The following HS2ST1 variants were observed in gnomAD, a reference collection of about 807,000 sequenced individuals.
HS2ST1 encodes heparan sulfate 2-O-sulfotransferase 1, also known as 2-O-sulfotransferase.
A neutral mutation model predicts 42.9 loss-of-function variants in HS2ST1; 18 were observed. That is an observed-to-expected ratio of 0.42 (90% confidence interval 0.29 to 0.62). HS2ST1 has a LOEUF of 0.62. Among genes scored for constraint, HS2ST1 ranks in the 20% least tolerant of loss-of-function variants. The probability of loss-of-function intolerance (pLI) is 0.21; values close to 1 mark genes in which losing one functional copy is unlikely to be tolerated. For synonymous variants in HS2ST1, 146 were observed against 152.9 expected, an observed-to-expected ratio of 0.95 and a Z score of 0.33; for missense variants, 334 against 433.8, an observed-to-expected ratio of 0.77 and a Z score of 2.04.
At chr1:87,075,400 C>T (rs1651515660) in intron 2 of HS2ST1, among the ~76,000 whole-genome samples, 1 of 152,084 alleles carries the variant, frequency 6.6e-6, no homozygotes, top group South Asian at 2.1e-4. Context: ...CTCCTGACCT[C>T]AGGTGATCCG....
intron 1 of HS2ST1, among the ~76,000 whole-genome samples, chr1:86,962,731 A>G (rs1300953244): frequency 6.6e-6 from 1 of 152,222 alleles, no homozygotes; most frequent in Admixed American, 6.5e-5. Flanking sequence ...ATGATCATTG[A>G]AAAGAGAGGC....
At chr1:86,937,434 T>G (rs1486560646) in intron 1 of HS2ST1, among the ~76,000 whole-genome samples, 1 of 152,210 alleles carries the variant, frequency 6.6e-6, no homozygotes, top group Non-Finnish European at 1.5e-5. Context: ...AAATATTAAC[T>G]TTTCTATCAT....
intron 1 of HS2ST1, among the ~76,000 whole-genome samples, chr1:86,970,278 C>T (rs938276829): frequency 6.6e-6 from 1 of 151,980 alleles, no homozygotes; most frequent in Non-Finnish European, 1.5e-5. Flanking sequence ...AAATAGTTTC[C>T]TCTGTAAGCC....
chr1:86,981,786 T>C (rs774140123), intron 1 of HS2ST1, among the ~76,000 whole-genome samples: 39 of 152,338 alleles, frequency 2.6e-4, no homozygotes, highest in Non-Finnish European at 3.7e-4. Flanking sequence ...AGGTACCCAG[T>C]GCAAGCTATT....
At chr1:86,921,575 T>C (rs1200563989) in intron 1 of HS2ST1, among the ~76,000 whole-genome samples, 1 of 152,122 alleles carries the variant, frequency 6.6e-6, no homozygotes, top group Non-Finnish European at 1.5e-5. Context: ...AATACTGTTA[T>C]AAAAGAGCTT....
chr1:87,103,535 T>C lies in HS2ST1; in HGVS notation c.790T>C (p.Leu264=), dbSNP rs1405541457. Residue 264 remains leucine (L), a synonymous_variant, in exon 6 of 7, where the codon TTG becomes CTG. Coordinates refer to ENST00000370550, the MANE Select transcript of HS2ST1 (RefSeq NM_012262.4). ...TEELEDFIML[L]EAALPRFFRG... is the part of the protein sequence containing the mutation. The stretch of plus-strand genomic sequence containing the variant: ...AGAACTTGAAGATTTTATCATGTTA[T>C]TGGAGGCAGCATTGCCCCGGTTTTT... 6.2e-7 allele frequency: 1 copy of C among 1,612,604 alleles called. No homozygotes were observed. The highest frequency in any genetic ancestry group is 1.1e-5 in the South Asian group (1 of 90,664).
At chr1:87,084,414 A>G (rs933781168) in intron 3 of HS2ST1, 135 bp downstream of exon 3, 5 of 553,050 alleles carry the variant, frequency 9.0e-6, no homozygotes, top group Non-Finnish European at 1.3e-5. Context: ...TAGATCTGTA[A>G]TTTAAATATA....
chr1:86,957,240 T>G (rs1647700503), intron 1 of HS2ST1, among the ~76,000 whole-genome samples: 1 of 152,206 alleles, frequency 6.6e-6, no homozygotes, highest in African/African-American at 2.4e-5. Flanking sequence ...AATTTAAATT[T>G]TTACATGAAT....
intron 1 of HS2ST1, among the ~76,000 whole-genome samples, chr1:87,002,429 C>T (rs971475464): frequency 6.6e-6 from 1 of 151,704 alleles, no homozygotes; most frequent in Admixed American, 6.6e-5. Flanking sequence ...CCTGTCTTTA[C>T]AAAAATTACA....
At chr1:87,104,176 C>T (rs1484937791) in intron 6 of HS2ST1, among the ~76,000 whole-genome samples, 1 of 152,060 alleles carries the variant, frequency 6.6e-6, no homozygotes, top group Admixed American at 6.6e-5. Flanking sequence ...GAGCACCAAG[C>T]ACTTGAGAAT....
intron 1 of HS2ST1, among the ~76,000 whole-genome samples, chr1:86,987,068 G>GTT (rs11423322): frequency 0.11 from 13,157 of 117,150 alleles, 1,091 homozygotes; most frequent in African/African-American, 0.13. Flanking sequence ...TGATAGCCAG[G>GTT]TTTTTTTTTT....
chr1:87,074,717 A>G (rs1651495782), intron 2 of HS2ST1, among the ~76,000 whole-genome samples: 1 of 152,112 alleles, frequency 6.6e-6, no homozygotes, highest in Admixed American at 6.5e-5. Flanking sequence ...GGAGAGAAGC[A>G]TAAATGCTAT....
At chr1:86,924,436 G>T (rs912699140) in intron 1 of HS2ST1, among the ~76,000 whole-genome samples, 2 of 152,182 alleles carry the variant, frequency 1.3e-5, no homozygotes, top group Admixed American at 6.5e-5. Context: ...AATCTGTGTG[G>T]GGGCTGCAAC....
intron 1 of HS2ST1, among the ~76,000 whole-genome samples, chr1:87,054,308 T>G (rs1650907139): frequency 6.6e-6 from 1 of 152,180 alleles, no homozygotes; most frequent in Non-Finnish European, 1.5e-5. Context: ...TGGGTTTTTT[T>G]GTTTGTTTTT....
chr1:87,050,092 A>ATC (rs1032342750), intron 1 of HS2ST1, among the ~76,000 whole-genome samples: 5 of 151,900 alleles, frequency 3.3e-5, no homozygotes, highest in African/African-American at 1.2e-4. Context: ...AATGTGATAT[A>ATC]TCTTTTCTCA....
chr1:86,938,164 T>C (rs1484244043), intron 1 of HS2ST1, among the ~76,000 whole-genome samples: 1 of 151,810 alleles, frequency 6.6e-6, no homozygotes, highest in African/African-American at 2.4e-5. Context: ...CATGGTTTTA[T>C]GTTTTGTGTT....
intron 1 of HS2ST1, among the ~76,000 whole-genome samples, chr1:86,917,107 C>T (rs1012690531): frequency 2.0e-5 from 3 of 152,110 alleles, no homozygotes; most frequent in African/African-American, 7.2e-5. Flanking sequence ...GATGGGTATA[C>T]CTGGGAGTAC....
At chr1:87,082,465 A>G (rs554207111) in intron 2 of HS2ST1, among the ~76,000 whole-genome samples, 18 of 152,262 alleles carry the variant, frequency 1.2e-4, no homozygotes, top group African/African-American at 3.9e-4. Context: ...CTACATCACC[A>G]TGTCCACATT....
rs369194467 is a variant in HS2ST1, at chr1:87,033,636, C to T, written c.125-39298C>T. 4.6e-5 allele frequency among the ~76,000 whole-genome samples: 7 copies of T among 152,078 alleles called. No homozygotes were observed. In the East Asian group the frequency reaches 9.6e-4, roughly 21 times the overall value. On this transcript the variant is annotated intron_variant, in intron 1 of 6. Coordinates refer to ENST00000370550, the MANE Select transcript of HS2ST1 (RefSeq NM_012262.4). ...TTAGCTCACTGCAACCTCCGCCTTC[C>T]GGGTTCAAGCAATTCTCCTGCTTCA...
Sources: allele counts gnomAD v4.1 joint callset (sites outside exome capture counted in the v4.1 genomes callset), GRCh38; gene constraint gnomAD v4.1.1; transcripts MANE v1.5; gene names NCBI Gene and HGNC (gene_info 2026-07-23, HGNC 2026-07-21).